Variants in DOCK2 observed in about 807,000 individuals in gnomAD.
The protein encoded by DOCK2 is dedicator of cytokinesis 2.
In DOCK2, 87 loss-of-function variants were observed where a neutral mutation model predicts 248.9. The observed-to-expected ratio is 0.35, with a 90% CI of 0.29 to 0.42. DOCK2 has a LOEUF of 0.42. Ranked by LOEUF, DOCK2 falls within the 10% of genes least tolerant of loss-of-function variation. The pLI is 1.00. For synonymous variants in DOCK2, 805 were observed against 821.6 expected (o/e 0.98, Z 0.35); for missense variants, 1,747 against 2,300.2 (o/e 0.76, Z 4.92).
At chr5:169,728,488 T>C (rs765769966) in intron 22 of DOCK2, among the ~76,000 whole-genome samples, 1 of 152,112 alleles carries the variant, frequency 6.6e-6, no homozygotes, top group Non-Finnish European at 1.5e-5. Flanking sequence ...CAGAAAGGAT[T>C]GTCATTCCAG....
At chr5:169,845,420 A>G (rs246772) in intron 27 of DOCK2, among the ~76,000 whole-genome samples, 33,927 of 151,968 alleles carry the variant, frequency 0.22, 4,527 homozygotes, top group East Asian at 0.59. Context: ...CCCCGAGGTC[A>G]GGCACCCTGT....
At chr5:170,078,213 G>A (rs1216563867) in intron 48 of DOCK2, among the ~76,000 whole-genome samples, 2 of 152,082 alleles carry the variant, frequency 1.3e-5, no homozygotes, top group Non-Finnish European at 2.9e-5. Flanking sequence ...TCCCAACCAC[G>A]ATGGGATGTC....
chr5:169,679,071 A>G (rs1269456287), intron 6 of DOCK2, among the ~76,000 whole-genome samples: 2 of 152,120 alleles, frequency 1.3e-5, no homozygotes, highest in African/African-American at 4.8e-5. Flanking sequence ...GGGAGCCATC[A>G]CAGATTTTTA....
At chr5:169,969,120 C>A (rs553955086) in intron 27 of DOCK2, among the ~76,000 whole-genome samples, 7 of 151,544 alleles carry the variant, frequency 4.6e-5, no homozygotes, top group African/African-American at 1.5e-4. Context: ...ACTGCACTCA[C>A]CCTGGGTATC....
intron 22 of DOCK2, among the ~76,000 whole-genome samples, chr5:169,732,661 A>C (rs1032015239): frequency 6.6e-6 from 1 of 152,072 alleles, no homozygotes; most frequent in African/African-American, 2.4e-5. Context: ...TCAAGTCTCA[A>C]ACCTTTCTCC....
intron 27 of DOCK2, among the ~76,000 whole-genome samples, chr5:169,859,219 T>A (rs1771045290): frequency 6.6e-6 from 1 of 152,108 alleles, no homozygotes; most frequent in African/African-American, 2.4e-5. Context: ...ATCCCTGCTC[T>A]TTATGGGCTG....
At chr5:169,759,838 A>G in intron 24 of DOCK2, 63 bp downstream of exon 24, 4 of 1,597,044 alleles carry the variant, frequency 2.5e-6, no homozygotes, top group Non-Finnish European at 3.4e-6. Context: ...GAGTGGGAGG[A>G]GGGCTCTTAT....
At chr5:169,940,662 C>A (rs1315089927) in intron 27 of DOCK2, among the ~76,000 whole-genome samples, 1 of 152,152 alleles carries the variant, frequency 6.6e-6, no homozygotes, top group East Asian at 1.9e-4. Context: ...CCCTCACATG[C>A]ACAGTTCACA....
intron 27 of DOCK2, among the ~76,000 whole-genome samples, chr5:169,964,910 C>T (rs924732756): frequency 9.2e-5 from 14 of 152,248 alleles, no homozygotes; most frequent in Admixed American, 9.2e-4. Context: ...AAAGGTGAGT[C>T]TCCGTCGCTC....
chr5:169,684,370 C>T lies in DOCK2; in HGVS notation c.761+20C>T, dbSNP rs535811475. On this transcript the variant is annotated intron_variant, in intron 8 of 51. Transcript: ENST00000520908. ...CATAAGGTAGGTGTGTCCAGGGTTG[C>T]CCTACTTCTCTGACTATGGGAAGCA... The T allele has an allele frequency of 2.5e-6, 4 of 1,611,560 alleles. No homozygotes were observed. Among genetic ancestry groups the T allele is most frequent in the Middle Eastern group, 1.7e-4 (1 of 6,050 alleles).
intron 27 of DOCK2, among the ~76,000 whole-genome samples, chr5:169,895,190 G>T (rs1303796379): frequency 1.3e-5 from 2 of 152,172 alleles, no homozygotes; most frequent in Non-Finnish European, 2.9e-5. Flanking sequence ...AATGACAAAG[G>T]ATATCCTTTT....
chr5:170,025,725 G>A (rs899463287), intron 33 of DOCK2, among the ~76,000 whole-genome samples: 1 of 152,022 alleles, frequency 6.6e-6, no homozygotes, highest in East Asian at 1.9e-4. Flanking sequence ...TGGCAGTCTA[G>A]ACTCTTGCCA....
chr5:169,958,938 G>T (rs1268521922), intron 27 of DOCK2, among the ~76,000 whole-genome samples: 1 of 152,202 alleles, frequency 6.6e-6, no homozygotes, highest in African/African-American at 2.4e-5. Flanking sequence ...GCAACTCATA[G>T]TTGGCTAAGG....
intron 25 of DOCK2, among the ~76,000 whole-genome samples, chr5:169,796,037 C>T (rs1766630372): frequency 6.6e-6 from 1 of 152,212 alleles, no homozygotes; most frequent in African/African-American, 2.4e-5. Context: ...GTGCTGGTGA[C>T]AAAGTCTGGG....
intron 33 of DOCK2, among the ~76,000 whole-genome samples, chr5:170,022,811 T>C (rs970500177): frequency 6.6e-6 from 1 of 152,184 alleles, no homozygotes; most frequent in African/African-American, 2.4e-5. Context: ...CCAGTCCCTG[T>C]CAAGTGCCTG....
At chr5:169,867,321 C>T (rs1771629726) in intron 27 of DOCK2, among the ~76,000 whole-genome samples, 1 of 152,142 alleles carries the variant, frequency 6.6e-6, no homozygotes, top group African/African-American at 2.4e-5. Context: ...AGGCCTGCTC[C>T]TGAGGCCTAA....
chr5:169,691,616 T>A (rs901724117), intron 9 of DOCK2, among the ~76,000 whole-genome samples: 10 of 152,310 alleles, frequency 6.6e-5, no homozygotes, highest in African/African-American at 1.9e-4. Flanking sequence ...GACTGGAAGT[T>A]ACTTTCAACT....
At chr5:169,905,634 G>T (rs1774233235) in intron 27 of DOCK2, among the ~76,000 whole-genome samples, 1 of 152,178 alleles carries the variant, frequency 6.6e-6, no homozygotes, top group African/African-American at 2.4e-5. Flanking sequence ...GAAATAGAGA[G>T]GGATGGGTGT....
At chr5:169,687,114 G>A (rs572897637) in intron 8 of DOCK2, among the ~76,000 whole-genome samples, 2 of 152,008 alleles carry the variant, frequency 1.3e-5, no homozygotes, top group Non-Finnish European at 2.9e-5. Context: ...CTGTTTAGAC[G>A]TAGCAAGCTG....
Sources: gnomAD v4.1 joint callset for allele counts (sites outside exome capture counted in the v4.1 genomes callset) on GRCh38, gnomAD v4.1.1 for gene constraint, MANE v1.5 for transcripts, NCBI Gene and HGNC (gene_info 2026-07-23, HGNC 2026-07-21) for gene names.